The following MEGF10 variants were observed in gnomAD, a reference collection of about 807,000 sequenced individuals.
MEGF10 encodes multiple EGF like domains 10.
A neutral mutation model predicts 147.5 loss-of-function variants in MEGF10; 86 were observed. The observed-to-expected ratio is 0.58, with a 90% CI of 0.49 to 0.70. The LOEUF (loss-of-function observed/expected upper bound fraction) is 0.70. MEGF10 is among the 30% of genes least tolerant of loss of function. MEGF10 has a pLI of 0.00. For synonymous variants in MEGF10, 478 were observed against 525.5 expected, an observed-to-expected ratio of 0.91 and a Z score of 1.24; for missense variants, 1,329 against 1,487.3, an observed-to-expected ratio of 0.89 and a Z score of 1.75.
At chr5:127,445,400 A>T (rs1164987991) in intron 19 of MEGF10, 57 bp from the exon 20 acceptor site, 2 of 1,361,792 alleles carry the variant, frequency 1.5e-6, no homozygotes, top group Admixed American at 1.7e-5. Context: ...GTAAGTAGAG[A>T]TCAAACGTTT....
rs369877077 is a variant in MEGF10 at position 127,452,114 on chromosome 5, C to T, written c.2981-2452C>T. Among the ~76,000 whole-genome samples, 3 of 152,280 alleles carry T rather than the reference C, an allele frequency of 2.0e-5. No homozygotes were observed. In the East Asian group the frequency reaches 5.8e-4, roughly 29 times the overall value. The stretch of plus-strand genomic sequence containing the variant: ...GTGTATATAGGAGTTTATAGGGAAT[C>T]CTGACTGCTCCCTCATTAAAACAGC... On this transcript the variant is annotated intron_variant, in intron 22 of 24. Coordinates refer to ENST00000503335, the MANE Select transcript of MEGF10 (RefSeq NM_001256545.2).
At chr5:127,369,564 T>A (rs1275352277) in intron 4 of MEGF10, among the ~76,000 whole-genome samples, 1 of 152,216 alleles carries the variant, frequency 6.6e-6, no homozygotes, top group Non-Finnish European at 1.5e-5. Flanking sequence ...GTGTTTCGTT[T>A]CTCTATATAG....
intron 1 of MEGF10, among the ~76,000 whole-genome samples, chr5:127,301,308 C>T (rs149934055): frequency 7.4e-4 from 112 of 152,192 alleles, no homozygotes; most frequent in African/African-American, 2.6e-3. Flanking sequence ...CTAAAGTGAG[C>T]CATGAGTCAT....
chr5:127,255,111 T>C, the MEGF10 span, among the ~76,000 whole-genome samples: 60,302 of 151,558 alleles, frequency 0.4, 12,498 homozygotes, highest in Middle Eastern at 0.53. Context: ...CTTTATGTAC[T>C]GAGTCAGCCT....
intron 10 of MEGF10, among the ~76,000 whole-genome samples, chr5:127,418,603 G>A (rs1764866418): frequency 6.6e-6 from 1 of 152,156 alleles, no homozygotes; most frequent in Admixed American, 6.5e-5. Context: ...GTTGCCTTTG[G>A]TAGCTTAATT....
intron 13 of MEGF10, among the ~76,000 whole-genome samples, chr5:127,427,555 T>C (rs75965983): frequency 0.019 from 2,820 of 151,778 alleles, 53 homozygotes; most frequent in South Asian, 0.079. Context: ...CAAGTTGATG[T>C]GAAGAGCCCA....
intron 3 of MEGF10, among the ~76,000 whole-genome samples, chr5:127,340,132 A>G (rs1341941026): frequency 6.6e-6 from 1 of 152,176 alleles, no homozygotes; most frequent in Non-Finnish European, 1.5e-5. Flanking sequence ...GAATCAGTGA[A>G]TAAATGGCAC....
chr5:127,405,851 T>C (rs565592538), intron 8 of MEGF10, among the ~76,000 whole-genome samples: 2 of 152,298 alleles, frequency 1.3e-5, no homozygotes, highest in South Asian at 4.1e-4. Context: ...CTTTTGCTAA[T>C]ATAATTACAT....
At chr5:127,391,100 GCGCACA>G (rs1270447912) in intron 5 of MEGF10, among the ~76,000 whole-genome samples, 542 of 40,040 alleles carry the variant, frequency 0.014, 2 homozygotes, top group Admixed American at 0.034. Context: ...GCGCGCGCGC[GCGCACA>G]CACACACACA....
At chr5:127,232,465 C>G in the MEGF10 span, among the ~76,000 whole-genome samples, 1 of 152,322 alleles carries the variant, frequency 6.6e-6, no homozygotes, top group South Asian at 2.1e-4. Context: ...ACTTTGAGGA[C>G]AGGCTCTGTG....
At chr5:127,295,896 T>C (rs1759475589) in intron 1 of MEGF10, among the ~76,000 whole-genome samples, 1 of 152,256 alleles carries the variant, frequency 6.6e-6, no homozygotes, top group East Asian at 1.9e-4. Flanking sequence ...ATTATGTTTC[T>C]GAAATGAACT....
intron 5 of MEGF10, among the ~76,000 whole-genome samples, chr5:127,388,552 TA>T: frequency 7.1e-6 from 1 of 140,008 alleles, no homozygotes; most frequent in South Asian, 2.3e-4. Flanking sequence ...TTTATTTATT[TA>T]TTTATTTTTT....
At chr5:127,247,400 A>G in the MEGF10 span, among the ~76,000 whole-genome samples, 37 of 54,166 alleles carry the variant, frequency 6.8e-4, no homozygotes, top group African/African-American at 3.1e-3. Flanking sequence ...AAGAAGAAGA[A>G]GAAGAAGAAG....
In MEGF10 at chr5:127,420,133, GCCTGCAACACC is replaced by G. The variant is rs2126973413; in HGVS notation, c.1518_1528del (p.Cys507GlyfsTer30). 6.2e-7 allele frequency: 1 copy of G among 1,614,204 alleles called. No individual in the cohort carries two copies. Among genetic ancestry groups the G allele is most frequent in the Admixed American group, 1.7e-5 (1 of 60,020 alleles). On this transcript the variant is annotated frameshift_variant, in exon 12 of 25. Transcript: ENST00000503335. LOFTEE classifies it high-confidence loss of function. ...AACATGCCAGTGCCTCAACGGGGGA[GCCTGCAACACC>G]CTGGACGGGACCTGCACGTGTGCAC...
At chr5:127,397,101 C>A (rs1763946542) in intron 6 of MEGF10, among the ~76,000 whole-genome samples, 1 of 152,136 alleles carries the variant, frequency 6.6e-6, no homozygotes, top group African/African-American at 2.4e-5. Context: ...ATTTGGGATT[C>A]TGTTTGGATC....
intron 4 of MEGF10, among the ~76,000 whole-genome samples, chr5:127,365,507 T>C (rs1487134407): frequency 6.6e-6 from 1 of 152,226 alleles, no homozygotes; most frequent in Non-Finnish European, 1.5e-5. Flanking sequence ...AGGAGCCTAA[T>C]TAGAGAAGAT....
chr5:127,452,293 T>C (rs1025437600), intron 22 of MEGF10, among the ~76,000 whole-genome samples: 1 of 152,196 alleles, frequency 6.6e-6, no homozygotes, highest in African/African-American at 2.4e-5. Context: ...AAGATTAAAA[T>C]GGGCATTTAA....
Position 127,402,585 on chromosome 5 carries a change from G to C in MEGF10, c.820G>C (p.Gly274Arg), listed in dbSNP as rs755126529. 3.7e-6 allele frequency: 6 copies of C among 1,613,900 alleles called. No individual in the cohort carries two copies. The highest frequency in any genetic ancestry group is 5.1e-6 in the Non-Finnish European group (6 of 1,179,984). ...CGQPCPEGRFGKNCSQECQCH... is the reference protein window; with the variant it reads ...CGQPCPEGRFRKNCSQECQCH... ...TCAGCCTTGCCCCGAGGGTCGCTTTGGAAAGAACTGTTCCCAAGAATGCCA... is the reference window on the plus strand; with the variant it reads ...TCAGCCTTGCCCCGAGGGTCGCTTTCGAAAGAACTGTTCCCAAGAATGCCA... The change falls in exon 8 of 25, where the codon GGA becomes CGA. Residue 274 changes from glycine to arginine, a missense_variant. Physicochemically the swap from Gly to Arg is moderately radical, Grantham distance 125. Transcript: ENST00000503335.
At chr5:127,306,520 T>C (rs1281640835) in intron 1 of MEGF10, among the ~76,000 whole-genome samples, 4 of 152,214 alleles carry the variant, frequency 2.6e-5, no homozygotes, top group African/African-American at 9.6e-5. Context: ...GGAACTACCA[T>C]GCCCGTCTTC....
Sources: gnomAD v4.1 joint callset for allele counts (sites outside exome capture counted in the v4.1 genomes callset) on GRCh38, gnomAD v4.1.1 for gene constraint, MANE v1.5 for transcripts, NCBI Gene and HGNC (gene_info 2026-07-23, HGNC 2026-07-21) for gene names.